The following TMEM131 variants were observed in gnomAD, a reference collection of about 807,000 sequenced individuals.
TMEM131 encodes transmembrane protein 131.
TMEM131 carries 66 observed loss-of-function variants against 211.6 expected under a neutral mutation model. The observed-to-expected ratio is 0.31, with a 90% CI of 0.26 to 0.38. TMEM131 has a LOEUF of 0.38. Ranked by LOEUF, TMEM131 falls within the 10% of genes least tolerant of loss-of-function variation. The pLI is 1.00. For missense variants in TMEM131, 2,036 were observed against 2,299.3 expected (o/e 0.89, Z 2.34); for synonymous variants, 844 against 841.3 (o/e 1.00, Z -0.06).
chr2:97,949,197 A>C (rs1005390748), intron 1 of TMEM131, among the ~76,000 whole-genome samples: 1 of 152,234 alleles, frequency 6.6e-6, no homozygotes, highest in Non-Finnish European at 1.5e-5. Context: ...AAAACAGTCA[A>C]ACATGCAACA....
chr2:97,757,330 G>A lies in TMEM131; in HGVS notation c.5421C>T (p.Ser1807=), dbSNP rs373741404. The A allele has an allele frequency of 6.2e-6, 10 of 1,613,646 alleles. No individual in the cohort carries two copies. In the African/African-American group the frequency reaches 6.7e-5, roughly 11 times the overall value. ...CGCTGCTAAGGTTGCTGGACCAAAT[G>A]GAGCTGCTGAATGGAGTGGTGGACC... ...GLWSTTPFSS[S]IWSSNLSSAL... The change falls in exon 41 of 41, where the codon TCC becomes TCT. Residue 1807 remains serine, a synonymous_variant. Transcript: ENST00000186436.
chr2:97,810,758 A>G (rs1681511678), intron 18 of TMEM131, among the ~76,000 whole-genome samples: 1 of 152,176 alleles, frequency 6.6e-6, no homozygotes, highest in Non-Finnish European at 1.5e-5. Flanking sequence ...TCCTTTTCAG[A>G]AATGTTAGAC....
intron 4 of TMEM131, among the ~76,000 whole-genome samples, chr2:97,862,325 T>C (rs1674102654): frequency 6.6e-6 from 1 of 152,086 alleles, no homozygotes; most frequent in African/African-American, 2.4e-5. Flanking sequence ...CAGACACTGA[T>C]GAACATCTGC....
intron 1 of TMEM131, among the ~76,000 whole-genome samples, chr2:97,966,950 GCC>G (rs942246718): frequency 6.6e-6 from 1 of 152,006 alleles, no homozygotes; most frequent in African/African-American, 2.4e-5. Context: ...ACGAAGACAA[GCC>G]CTTGCTTTGA....
chr2:97,946,805 T>C (rs545567825), intron 1 of TMEM131, among the ~76,000 whole-genome samples: 17 of 152,000 alleles, frequency 1.1e-4, no homozygotes, highest in Non-Finnish European at 2.2e-4. Context: ...TCACATCTTA[T>C]TACAGATGCA....
At chr2:97,794,470 C>T (rs1051650996) in intron 29 of TMEM131, among the ~76,000 whole-genome samples, 3 of 152,178 alleles carry the variant, frequency 2.0e-5, no homozygotes, top group East Asian at 1.9e-4. Flanking sequence ...CTCTCCAACC[C>T]GTTTCCTCTA....
chr2:97,937,931 T>C (rs1377351513), intron 1 of TMEM131, among the ~76,000 whole-genome samples: 4 of 152,126 alleles, frequency 2.6e-5, no homozygotes, highest in African/African-American at 9.7e-5. Flanking sequence ...CAAACTAAAC[T>C]TCGTAAGTGA....
chr2:97,802,027 AT>A, intron 24 of TMEM131, 66 bp from the exon 25 acceptor site: 1 of 1,114,516 alleles, frequency 9.0e-7, no homozygotes, highest in South Asian at 1.4e-5. Context: ...TTATGGAGTG[AT>A]TATCAGGTGT....
chr2:97,760,368 T>TG, intron 38 of TMEM131: 1 of 568,906 alleles, frequency 1.8e-6, no homozygotes, highest in Non-Finnish European at 3.1e-6. Flanking sequence ...GAGACAGGCA[T>TG]GGGTGCCCCC....
chr2:97,795,693 T>C (rs573359534), intron 28 of TMEM131, among the ~76,000 whole-genome samples: 2 of 152,330 alleles, frequency 1.3e-5, no homozygotes, highest in Admixed American at 1.3e-4. Context: ...AAATATTCAA[T>C]TAAGGGACAG....
At chr2:97,867,908 T>G (rs1010681913) in intron 4 of TMEM131, among the ~76,000 whole-genome samples, 8 of 152,314 alleles carry the variant, frequency 5.3e-5, no homozygotes, top group African/African-American at 1.9e-4. Context: ...AGACTGCCAC[T>G]GTTCTTATGA....
At chr2:97,782,361 G>C (rs1025868129) in intron 31 of TMEM131, among the ~76,000 whole-genome samples, 8 of 152,232 alleles carry the variant, frequency 5.3e-5, no homozygotes, top group Non-Finnish European at 1.2e-4. Flanking sequence ...CTCTGCCAGA[G>C]CAGTCAGAGA....
rs1161130234 is a variant in TMEM131 at position 97,995,716 on chromosome 2, A to AGGC, written c.-57_-55dup. On this transcript the variant is annotated 5_prime_UTR_variant, in exon 1 of 41. Coordinates refer to ENST00000186436, the MANE Select transcript of TMEM131 (RefSeq NM_015348.2). ...AGGTCCGGCGCGGCCCTTCTCGGCG[A>AGGC]GGCGGCGGCGGCGCGGAAGCCGTGG... 8 of 1,155,638 alleles carry AGGC rather than the reference A, an allele frequency of 6.9e-6. No individual in the cohort carries two copies. The highest frequency in any genetic ancestry group is 8.5e-6 in the Non-Finnish European group (8 of 935,704). The allele number at this position is 1,155,638 out of a possible 1,614,324, so 71.6% of individuals were successfully genotyped here.
In TMEM131 at chr2:97,757,060, A is replaced by G. The variant is rs772560001; in HGVS notation, c.*39T>C. ...CTCAGAAACTGGCACATCATGATCT[A>G]GACGAGGGCCCACTATGTTTGTTTG... On this transcript the variant is annotated 3_prime_UTR_variant, in exon 41 of 41. Coordinates refer to ENST00000186436, the MANE Select transcript of TMEM131 (RefSeq NM_015348.2). The G allele has an allele frequency of 9.1e-6, 14 of 1,539,448 alleles. No individual in the cohort carries two copies. In the South Asian group the frequency reaches 1.7e-4, roughly 18 times the overall value.
intron 5 of TMEM131, among the ~76,000 whole-genome samples, chr2:97,849,209 G>A (rs1683582949): frequency 6.6e-6 from 1 of 152,134 alleles, no homozygotes; most frequent in South Asian, 2.1e-4. Context: ...TGTTTCTCAT[G>A]GGAATACAAA....
chr2:97,814,529 G>T, intron 13 of TMEM131, 141 bp from the exon 14 acceptor site: 1 of 872,558 alleles, frequency 1.1e-6, no homozygotes, highest in Non-Finnish European at 1.6e-6. Flanking sequence ...TAATATTTTA[G>T]TGATTGACTA....
At chr2:97,773,095 G>A (rs2104805927) in intron 32 of TMEM131, among the ~76,000 whole-genome samples, 1 of 152,296 alleles carries the variant, frequency 6.6e-6, no homozygotes, top group Non-Finnish European at 1.5e-5. Context: ...GCAGTATAAA[G>A]TCAAGCACTC....
chr2:97,814,482 AT>A, intron 13 of TMEM131, 94 bp from the exon 14 acceptor site: 1 of 1,197,342 alleles, frequency 8.4e-7, no homozygotes, highest in Non-Finnish European at 1.1e-6. Context: ...AATAATTTAC[AT>A]TTAGCATTAG....
intron 1 of TMEM131, among the ~76,000 whole-genome samples, chr2:97,978,255 T>C (rs1173398041): frequency 6.6e-6 from 1 of 152,206 alleles, no homozygotes; most frequent in Non-Finnish European, 1.5e-5. Context: ...TACTACTTTA[T>C]CGACTAAGTT....
Sources: allele counts gnomAD v4.1 joint callset (sites outside exome capture counted in the v4.1 genomes callset), GRCh38; gene constraint gnomAD v4.1.1; transcripts MANE v1.5; gene names NCBI Gene and HGNC (gene_info 2026-07-23, HGNC 2026-07-21).